The following NR2C2 variants were observed in gnomAD, a reference collection of about 807,000 sequenced individuals.
NR2C2 encodes the protein Nuclear hormone receptor TR4.
NR2C2 carries 6 observed loss-of-function variants against 62.9 expected under a neutral mutation model. The ratio of observed to expected loss-of-function variants is 0.10; its 90% confidence interval spans 0.05 to 0.19. The LOEUF is 0.19. NR2C2 is among the 10% of genes least tolerant of loss of function. The pLI is 1.00. For synonymous variants in NR2C2, 272 were observed against 273.8 expected (o/e 0.99, Z 0.07); for missense variants, 479 against 762.7 (o/e 0.63, Z 4.38).
chr3:14,966,129 G>C (rs529578477), intron 1 of NR2C2, among the ~76,000 whole-genome samples: 20 of 152,292 alleles, frequency 1.3e-4, no homozygotes, highest in African/African-American at 4.1e-4. Context: ...TAATGGAGTG[G>C]GAATAAAGTA....
Position 15,046,020 on chromosome 3 carries a change from G to T in NR2C2, c.*3012G>T, listed in dbSNP as rs1487325011. 1 of 152,338 alleles carries T rather than the reference G, an allele frequency of 6.6e-6. No homozygotes were observed. Among genetic ancestry groups the T allele is most frequent in the East Asian group, 1.9e-4 (1 of 5,188 alleles). The allele number at this position is 152,338 out of a possible 1,614,324, so 9.4% of individuals were successfully genotyped here. A position where few individuals can be genotyped will look rare whatever the true frequency, so the allele number is the denominator to read the frequency against. On this transcript the variant is annotated 3_prime_UTR_variant, in exon 14 of 14. Coordinates refer to ENST00000425241, the MANE Select transcript of NR2C2 (RefSeq NM_001291694.2). Reference sequence around the variant, plus strand: ...TACACATTAGCATAAAACAGGACAGGAAGAGATTTTTTGAAAGACCAAATT... The same window carrying T: ...TACACATTAGCATAAAACAGGACAGTAAGAGATTTTTTGAAAGACCAAATT...
intron 1 of NR2C2, among the ~76,000 whole-genome samples, chr3:14,964,723 C>T (rs928317366): frequency 3.3e-5 from 5 of 151,796 alleles, no homozygotes; most frequent in Non-Finnish European, 7.4e-5. Flanking sequence ...CGGGTTTCAC[C>T]GTGTTAGCCA....
At chr3:14,980,069 A>G (rs1013883610) in intron 1 of NR2C2, among the ~76,000 whole-genome samples, 2 of 152,048 alleles carry the variant, frequency 1.3e-5, no homozygotes, top group African/African-American at 2.4e-5. Context: ...AGGTGGCCAT[A>G]TTATATACTA....
At chr3:15,027,439 A>G (rs769503346) in intron 7 of NR2C2, among the ~76,000 whole-genome samples, 1 of 152,224 alleles carries the variant, frequency 6.6e-6, no homozygotes, top group Non-Finnish European at 1.5e-5. Context: ...AACACTTGTT[A>G]TTATCCATCT....
chr3:15,041,541 AAAG>A (rs1376308007), intron 13 of NR2C2, among the ~76,000 whole-genome samples: 2 of 152,224 alleles, frequency 1.3e-5, no homozygotes, highest in Non-Finnish European at 2.9e-5. Context: ...GAAAAAGGAA[AAAG>A]AAAACTTTTT....
intron 9 of NR2C2, among the ~76,000 whole-genome samples, chr3:15,031,254 G>A (rs1210751889): frequency 6.6e-6 from 1 of 152,180 alleles, no homozygotes; most frequent in Non-Finnish European, 1.5e-5. Flanking sequence ...GGCCTCATGG[G>A]TGTTCCCCGT....
At chr3:15,009,255 A>G (rs980745893) in intron 2 of NR2C2, among the ~76,000 whole-genome samples, 1 of 152,194 alleles carries the variant, frequency 6.6e-6, no homozygotes, top group African/African-American at 2.4e-5. Context: ...CACTTTACCT[A>G]GAAAAAGCCT....
At chr3:14,983,949 C>T (rs142780684) in intron 1 of NR2C2, among the ~76,000 whole-genome samples, 2,090 of 152,158 alleles carry the variant, frequency 0.014, 18 homozygotes, top group Middle Eastern at 0.027. Context: ...AGTGCAATGG[C>T]GCGATCTTGG....
Position 15,043,955 on chromosome 3 carries a change from G to C in NR2C2, c.*947G>C, listed in dbSNP as rs2042360800. 6.6e-6 allele frequency: 1 copy of C among 152,202 alleles called. No homozygotes were observed. The highest frequency in any genetic ancestry group is 2.1e-4 in the South Asian group (1 of 4,830). 9.4% of individuals were successfully genotyped at this position (152,202 alleles called of 1,614,324 possible). ...CTTGTGACCAAAAAGTGCAAGGTGG[G>C]CATTTTGAGCTCTTGACAGTACTTC... is the stretch of plus-strand genomic sequence containing the variant. On this transcript the variant is annotated 3_prime_UTR_variant, in exon 14 of 14. Coordinates refer to ENST00000425241, the MANE Select transcript of NR2C2 (RefSeq NM_001291694.2).
intron 7 of NR2C2, chr3:15,026,341 A>G (rs1490168814): frequency 2.0e-5 from 3 of 152,166 alleles, no homozygotes; most frequent in African/African-American, 7.2e-5. Flanking sequence ...TAATTGAAAT[A>G]TAATTCACAT....
Position 15,020,767 on chromosome 3 carries a change from G to A in NR2C2, c.391G>A (p.Ala131Thr). 6.2e-7 allele frequency: 1 copy of A among 1,614,084 alleles called. No individual in the cohort carries two copies. ...TCCTGTTTCAGGCCGTCACTATGGG[G>A]CTGTCAGTTGTGAAGGTTGCAAAGG... Reference protein sequence around the residue: ...GDKASGRHYGAVSCEGCKGFF... With the variant: ...GDKASGRHYGTVSCEGCKGFF... Residue 131 changes from alanine (A) to threonine (T), a missense_variant, in exon 5 of 14, where the codon GCT (alanine) becomes ACT (threonine). Transcript: ENST00000425241.
chr3:14,985,354 C>T (rs2040486395), intron 1 of NR2C2, among the ~76,000 whole-genome samples: 1 of 151,970 alleles, frequency 6.6e-6, no homozygotes, highest in Non-Finnish European at 1.5e-5. Context: ...TCGCCTAATC[C>T]AAGGTCACAT....
intron 1 of NR2C2, among the ~76,000 whole-genome samples, chr3:14,979,594 C>T (rs1348861613): frequency 6.6e-6 from 1 of 151,958 alleles, no homozygotes; most frequent in Non-Finnish European, 1.5e-5. Context: ...TAAACAGAAA[C>T]CTGAATGAAG....
rs552562722 is a variant in NR2C2 at position 15,040,125 on chromosome 3, A to C, written c.1616+898A>C. On this transcript the variant is annotated intron_variant, in intron 13 of 13. Transcript: ENST00000425241. ...CAGTGAGCTGAGATCACGCCACTGC[A>C]CTCCAGCCTGGGTGACAGAGTGAGA... Among the ~76,000 whole-genome samples, 8 of 151,928 alleles carry C rather than the reference A, an allele frequency of 5.3e-5. No homozygotes were observed. The South Asian group carries it at 1.5e-3, about 28-fold the overall frequency.
chr3:15,037,331 G>A (rs987057977), intron 11 of NR2C2, among the ~76,000 whole-genome samples: 1 of 151,932 alleles, frequency 6.6e-6, no homozygotes, highest in Non-Finnish European at 1.5e-5. Context: ...TTGGCCTCCC[G>A]AAATATTGGG....
intron 1 of NR2C2, 103 bp from the exon 2 acceptor site, chr3:15,003,773 T>G (rs2041087582): frequency 2.9e-6 from 2 of 700,034 alleles, no homozygotes; most frequent in Non-Finnish European, 5.0e-6. Flanking sequence ...ACCATACAAG[T>G]TCATCACTCC....
intron 1 of NR2C2, among the ~76,000 whole-genome samples, chr3:14,980,537 C>T (rs1032436577): frequency 2.0e-5 from 3 of 150,588 alleles, no homozygotes; most frequent in Non-Finnish European, 4.5e-5. Context: ...TGAAAAGTCT[C>T]GTACTTCTAC....
chr3:15,036,349 C>T (rs1051612427), intron 11 of NR2C2, among the ~76,000 whole-genome samples: 1 of 152,142 alleles, frequency 6.6e-6, no homozygotes, highest in African/African-American at 2.4e-5. Context: ...AAAACACCAG[C>T]AGTGTCAGGA....
At chr3:14,951,659 T>C (rs1266694350) in intron 1 of NR2C2, among the ~76,000 whole-genome samples, 1 of 152,214 alleles carries the variant, frequency 6.6e-6, no homozygotes, top group African/African-American at 2.4e-5. Context: ...TCACAGTGAC[T>C]TTTAAGTTTT....
Sources: gnomAD v4.1 joint callset for allele counts (sites outside exome capture counted in the v4.1 genomes callset) on GRCh38, gnomAD v4.1.1 for gene constraint, MANE v1.5 for transcripts, NCBI Gene and HGNC (gene_info 2026-07-23, HGNC 2026-07-21) for gene names.